The following STARD9 variants were observed in gnomAD, a reference collection of about 807,000 sequenced individuals.
STARD9 encodes the protein StAR related lipid transfer domain containing 9.
Under a neutral mutation model 399.8 loss-of-function variants are expected in STARD9, and 346 were observed. The observed-to-expected ratio is 0.87, with a 90% CI of 0.79 to 0.95. The LOEUF (loss-of-function observed/expected upper bound fraction) is 0.95. Among genes scored for constraint, STARD9 ranks in the 40% least tolerant of loss-of-function variants. The pLI, the probability that STARD9 is intolerant of heterozygous loss-of-function variation, is 0.00. For synonymous variants in STARD9, 2,203 were observed against 2,143.5 expected (o/e 1.03, Z -0.77); for missense variants, 5,832 against 5,667.5 (o/e 1.03, Z -0.93).
chr15:42,613,034 GAA>G (rs2058886502), intron 3 of STARD9, among the ~76,000 whole-genome samples: 2 of 137,296 alleles, frequency 1.5e-5, no homozygotes, highest in Non-Finnish European at 3.1e-5. Context: ...ATAAAGAAAA[GAA>G]AATATTTTTG....
chr15:42,686,680 GC>G lies in STARD9; in HGVS notation c.5104del (p.Gln1702ArgfsTer12). 6.5e-7 allele frequency: 1 copy of G among 1,537,724 alleles called. No homozygotes were observed. Among genetic ancestry groups the G allele is most frequent in the Non-Finnish European group, 8.7e-7 (1 of 1,147,020 alleles). ...HYPLEEEKTDCQESSKEAVRR... is the reference protein window; with the variant it reads ...HYPLEEEKTDXQESSKEAVRR... ...CCACTAGAGGAAGAGAAGACAGATT[GC>G]CAGGAGAGCTCTAAGGAAGCAGTTA... is the stretch of plus-strand genomic sequence containing the variant. On this transcript the variant is annotated frameshift_variant, in exon 23 of 33. Coordinates refer to ENST00000290607, the MANE Select transcript of STARD9 (RefSeq NM_020759.3). LOFTEE classifies it high-confidence loss of function.
rs374845940 is a variant in STARD9 at position 42,685,837 on chromosome 15, C to T, written c.4259C>T (p.Thr1420Met). Residue 1420 changes from threonine (T) to methionine (M), a missense_variant, in exon 23 of 33, where the codon ACG becomes ATG. Around this residue, in one of 2 missense-constraint regions of STARD9, gnomAD observed 5,828 missense variants for 5,651.1 expected, o/e 1.03. Coordinates refer to ENST00000290607, the MANE Select transcript of STARD9 (RefSeq NM_020759.3). ...GAGCACACAGCCTCTGCTGCTGATACGTCTAGGCTGTCTCTCTGGGGAATT... is the reference window on the plus strand; with the variant it reads ...GAGCACACAGCCTCTGCTGCTGATATGTCTAGGCTGTCTCTCTGGGGAATT... Reference protein sequence around the residue: ...RDEHTASAADTSRLSLWGIQR... With the variant: ...RDEHTASAADMSRLSLWGIQR... 5.2e-6 allele frequency: 8 copies of T among 1,537,126 alleles called. No homozygotes were observed. The highest frequency in any genetic ancestry group is 1.7e-4 in the Middle Eastern group (1 of 5,990).
At chr15:42,700,685 A>G (rs1437435018) in intron 26 of STARD9, among the ~76,000 whole-genome samples, 3 of 152,100 alleles carry the variant, frequency 2.0e-5, no homozygotes, top group Admixed American at 6.5e-5. Context: ...AACCTTTGTC[A>G]TATGCATAGT....
chr15:42,596,672 A>T (rs577108333), intron 3 of STARD9, among the ~76,000 whole-genome samples: 12 of 152,292 alleles, frequency 7.9e-5, no homozygotes, highest in African/African-American at 2.9e-4. Flanking sequence ...GACCAACAAA[A>T]GGCTCCTTCT....
At chr15:42,694,378 G>C (rs764466960) in intron 23 of STARD9, 36 bp downstream of exon 23, 17 of 1,536,130 alleles carry the variant, frequency 1.1e-5, no homozygotes, top group Non-Finnish European at 1.5e-5. Flanking sequence ...GAGGGGAAGG[G>C]GTGGGCTGTG....
intron 9 of STARD9, among the ~76,000 whole-genome samples, chr15:42,653,624 A>G (rs939920495): frequency 2.6e-5 from 4 of 152,040 alleles, no homozygotes; most frequent in South Asian, 2.1e-4. Context: ...CTGAGATAAT[A>G]TAAAAAACTG....
chr15:42,669,048 G>A (rs2060156310), intron 15 of STARD9, 110 bp from the exon 16 acceptor site: 1 of 924,474 alleles, frequency 1.1e-6, no homozygotes. Context: ...TATCTGGGAG[G>A]ATCATAAGAA....
intron 1 of STARD9, among the ~76,000 whole-genome samples, chr15:42,576,960 C>T (rs143568373): frequency 1.7e-4 from 26 of 152,252 alleles, no homozygotes; most frequent in African/African-American, 6.3e-4. Context: ...GCTTGTGACA[C>T]CTGGCTTCTT....
chr15:42,645,333 T>C (rs1033378105), intron 7 of STARD9, among the ~76,000 whole-genome samples: 1 of 152,228 alleles, frequency 6.6e-6, no homozygotes, highest in African/African-American at 2.4e-5. Context: ...ACAGATGTTA[T>C]GTTAGCAAGC....
In STARD9 at chr15:42,689,426, T is replaced by C; in HGVS notation, c.7848T>C (p.Phe2616=). 1 of 1,537,418 alleles carries C rather than the reference T, an allele frequency of 6.5e-7. No homozygotes were observed. Among genetic ancestry groups the C allele is most frequent in the South Asian group, 1.2e-5 (1 of 84,066 alleles). The change falls in exon 23 of 33, where the codon TTT becomes TTC. Residue 2616 remains phenylalanine (F), a synonymous_variant. Transcript: ENST00000290607. ...QTRNEGEAPG[F]HVASLSAEAG... ...GGAATGAGGGTGAAGCACCGGGATT[T>C]CATGTGGCATCTCTATCTGCTGAAG...
intron 15 of STARD9, 78 bp from the exon 16 acceptor site, chr15:42,669,080 G>A: frequency 8.0e-7 from 1 of 1,253,118 alleles, no homozygotes; most frequent in East Asian, 2.6e-5. Context: ...GGGGAAATAG[G>A]AATAGATTGT....
At chr15:42,633,951 G>T (rs773229664) in intron 3 of STARD9, among the ~76,000 whole-genome samples, 3 of 151,896 alleles carry the variant, frequency 2.0e-5, no homozygotes, top group Non-Finnish European at 4.4e-5. Flanking sequence ...GCCCTGTCTG[G>T]CCTCATTTCA....
chr15:42,686,891 A>T lies in STARD9; in HGVS notation c.5313A>T (p.Val1771=), dbSNP rs1352182150. 1 of 1,536,616 alleles carries T rather than the reference A, an allele frequency of 6.5e-7. No individual in the cohort carries two copies. The highest frequency in any genetic ancestry group is 8.7e-7 in the Non-Finnish European group (1 of 1,146,846). ...TTCCAGCTTGCAGAGAAGTAAGGGT[A>T]CCCTCCCCACCCCCCAGGGAAGCCT... ...LEIPACREVR[V]PSPPPREAWG... The change falls in exon 23 of 33, where the codon GTA becomes GTT. Residue 1771 remains valine (V), a synonymous_variant. Coordinates refer to ENST00000290607, the MANE Select transcript of STARD9 (RefSeq NM_020759.3).
chr15:42,587,400 T>C (rs1341702725), intron 3 of STARD9, among the ~76,000 whole-genome samples: 1 of 152,168 alleles, frequency 6.6e-6, no homozygotes, highest in African/African-American at 2.4e-5. Context: ...CCTCTTCTGT[T>C]ATATAAGCAT....
Position 42,693,209 on chromosome 15 carries a change from TG to T in STARD9, c.11635del (p.Asp3879ThrfsTer40), listed in dbSNP as rs1233094183. The T allele has an allele frequency of 1.3e-6, 2 of 1,537,114 alleles. No individual in the cohort carries two copies. Among genetic ancestry groups the T allele is most frequent in the Admixed American group, 3.9e-5 (2 of 50,988 alleles). ...TCTTTCCCAGTACTTCCGAGTATCCTGGGGACTCCAGGGTCCAGAAGAAGCT... is the reference window on the plus strand; with the variant it reads ...TCTTTCCCAGTACTTCCGAGTATCCTGGGACTCCAGGGTCCAGAAGAAGCT... ...GLFPSTSEYP[G>X]DSRVQKKLGP... On this transcript the variant is annotated frameshift_variant, in exon 23 of 33. Transcript: ENST00000290607. LOFTEE classifies it high-confidence loss of function.
In STARD9 at chr15:42,684,711, C is replaced by T. The variant is rs1269096211; in HGVS notation, c.3133C>T (p.Gln1045Ter). 1.3e-6 allele frequency: 2 copies of T among 1,537,098 alleles called. No individual in the cohort carries two copies. The highest frequency in any genetic ancestry group is 1.2e-5 in the South Asian group (1 of 84,062). ...TCCAAGCAGGGCATCAAAAAGGCAT[C>T]AGAGGGTTCTGGCAACTAGGGTCAG... ...PSPSRASKRHQRVLATRVRNI... is the reference protein window; with the variant it reads ...PSPSRASKRH Residue 1045 changes from glutamine to a stop codon, truncating the protein, a stop_gained, in exon 23 of 33, where the codon CAG (glutamine) becomes TAG (stop). Coordinates refer to ENST00000290607, the MANE Select transcript of STARD9 (RefSeq NM_020759.3). LOFTEE classifies it high-confidence loss of function.
rs1442787671 is a variant in STARD9, at chr15:42,718,199, G to C, written c.13762+20G>C. The C allele has an allele frequency of 2.0e-6, 3 of 1,529,670 alleles. No homozygotes were observed. Among genetic ancestry groups the C allele is most frequent in the Non-Finnish European group, 1.8e-6 (2 of 1,141,012 alleles). 94.8% of individuals were successfully genotyped at this position (1,529,670 alleles called of 1,614,324 possible). ...GCCTGGGTGAGCCCAGGGAAGGAAG[G>C]CTTCCATGGGGCCTAGTTTCTGGTG... On this transcript the variant is annotated intron_variant, in intron 30 of 32. Coordinates refer to ENST00000290607, the MANE Select transcript of STARD9 (RefSeq NM_020759.3).
chr15:42,691,637 G>T lies in STARD9; in HGVS notation c.10059G>T (p.Gln3353His). 1.3e-6 allele frequency: 2 copies of T among 1,537,264 alleles called. No individual in the cohort carries two copies. The highest frequency in any genetic ancestry group is 1.7e-6 in the Non-Finnish European group (2 of 1,146,920). The change falls in exon 23 of 33, where the codon CAG (glutamine) becomes CAT (histidine). Residue 3353 changes from glutamine to histidine, a missense_variant. Physicochemically the swap from Gln to His is conservative, Grantham distance 24. Coordinates refer to ENST00000290607, the MANE Select transcript of STARD9 (RefSeq NM_020759.3). ...CTTCCCCTACAGACGAAGATACACA[G>T]GGGCCTAACAGATTGTGGAACCCAC... ...EPPSPTDEDT[Q>H]GPNRLWNPHL...
intron 26 of STARD9, among the ~76,000 whole-genome samples, chr15:42,709,258 G>A (rs138262073): frequency 4.7e-4 from 71 of 152,300 alleles, no homozygotes; most frequent in African/African-American, 1.7e-3. Context: ...AGCTATGTTG[G>A]TGGTGCATGC....
Sources: allele counts gnomAD v4.1 joint callset (sites outside exome capture counted in the v4.1 genomes callset), GRCh38; gene constraint gnomAD v4.1.1; regional missense constraint gnomAD v4.1.1; transcripts MANE v1.5; gene names NCBI Gene and HGNC (gene_info 2026-07-23, HGNC 2026-07-21).